The following MAPK10 variants were observed in gnomAD, a reference collection of about 807,000 sequenced individuals.
MAPK10 encodes the protein JNK3 alpha protein kinase.
Under a neutral mutation model 59.3 loss-of-function variants are expected in MAPK10, and 25 were observed. The ratio of observed to expected loss-of-function variants is 0.42; its 90% CI spans 0.31 to 0.59. The LOEUF is 0.59. Among genes scored for constraint, MAPK10 ranks in the 20% least tolerant of loss-of-function variants. The pLI is 0.15. For missense variants in MAPK10, 351 were observed against 568.9 expected (o/e 0.62, Z 3.90); for synonymous variants, 190 against 200.5 (o/e 0.95, Z 0.44).
intron 1 of MAPK10, among the ~76,000 whole-genome samples, chr4:86,413,917 G>T (rs1745523486): frequency 1.3e-5 from 2 of 152,270 alleles, no homozygotes; most frequent in Admixed American, 6.5e-5. Flanking sequence ...CCCTCCATGG[G>T]TGGCACCCAC....
chr4:86,516,620 A>G (rs1159337535), intron 1 of MAPK10, among the ~76,000 whole-genome samples: 1 of 148,992 alleles, frequency 6.7e-6, no homozygotes, highest in African/African-American at 2.5e-5. Flanking sequence ...GTATATTCCT[A>G]AGGGTTTTTT....
chr4:86,182,999 C>T (rs1050625352), intron 3 of MAPK10, among the ~76,000 whole-genome samples: 13 of 152,020 alleles, frequency 8.6e-5, no homozygotes, highest in South Asian at 2.1e-4. Flanking sequence ...TGAAAAATAA[C>T]GACACCCTAC....
chr4:86,474,407 T>C (rs1262060697), intron 1 of MAPK10, among the ~76,000 whole-genome samples: 1 of 152,230 alleles, frequency 6.6e-6, no homozygotes, highest in African/African-American at 2.4e-5. Flanking sequence ...CCTATGTTTA[T>C]ATCATAAAAT....
At chr4:86,351,598 T>C (rs1731524178) in intron 2 of MAPK10, among the ~76,000 whole-genome samples, 1 of 152,142 alleles carries the variant, frequency 6.6e-6, no homozygotes, top group Non-Finnish European at 1.5e-5. Flanking sequence ...ACTGGATTCC[T>C]GCAATAGCAC....
intron 1 of MAPK10, among the ~76,000 whole-genome samples, chr4:86,467,002 T>C (rs1385356355): frequency 6.6e-6 from 1 of 151,932 alleles, no homozygotes; most frequent in African/African-American, 2.4e-5. Context: ...GTCCCTGGAG[T>C]GAAGATGATG....
At chr4:86,306,128 A>G (rs374273700) in intron 2 of MAPK10, among the ~76,000 whole-genome samples, 53 of 152,220 alleles carry the variant, frequency 3.5e-4, no homozygotes, top group African/African-American at 1.2e-3. Flanking sequence ...ATCAGAAATT[A>G]AGCTAAAAAT....
intron 3 of MAPK10, among the ~76,000 whole-genome samples, chr4:86,168,449 T>A (rs1160316143): frequency 2.6e-5 from 4 of 152,198 alleles, no homozygotes; most frequent in Non-Finnish European, 5.9e-5. Context: ...GCACGGAGTC[T>A]CGCTGATTGC....
chr4:86,533,687 G>A (rs1363750459), intron 1 of MAPK10, among the ~76,000 whole-genome samples: 2 of 152,210 alleles, frequency 1.3e-5, no homozygotes, highest in African/African-American at 2.4e-5. Flanking sequence ...GACCACAGGT[G>A]TGTACCACTT....
At chr4:86,184,196 T>C (rs1251255744) in intron 3 of MAPK10, among the ~76,000 whole-genome samples, 1 of 152,230 alleles carries the variant, frequency 6.6e-6, no homozygotes, top group African/African-American at 2.4e-5. Flanking sequence ...TTTGGTGTTT[T>C]AGACATGAAG....
chr4:86,465,653 A>G (rs1752134613), intron 1 of MAPK10, among the ~76,000 whole-genome samples: 1 of 152,244 alleles, frequency 6.6e-6, no homozygotes. Flanking sequence ...GTAAAATAAT[A>G]ACTTGGGGTA....
At chr4:86,381,953 C>A (rs546765209) in intron 1 of MAPK10, among the ~76,000 whole-genome samples, 17 of 152,112 alleles carry the variant, frequency 1.1e-4, no homozygotes, top group African/African-American at 3.9e-4. Flanking sequence ...AGAATAAAAC[C>A]CTTGACATTG....
chr4:86,593,430 G>A (rs75855193), intron 1 of MAPK10, among the ~76,000 whole-genome samples: 7,089 of 152,232 alleles, frequency 0.047, 221 homozygotes, highest in African/African-American at 0.061. Context: ...AATTCAGCAA[G>A]ACTCTCTTGT....
intron 1 of MAPK10, among the ~76,000 whole-genome samples, chr4:86,390,510 G>C (rs985332998): frequency 2.6e-5 from 4 of 152,214 alleles, no homozygotes; most frequent in African/African-American, 9.7e-5. Flanking sequence ...GCTTCCATGA[G>C]AGCACTTAGA....
chr4:86,093,316 T>C (rs1239003959), intron 9 of MAPK10, among the ~76,000 whole-genome samples: 2 of 151,956 alleles, frequency 1.3e-5, no homozygotes, highest in Non-Finnish European at 2.9e-5. Context: ...ATATTTTCAT[T>C]TAGTGTAGAA....
At chr4:86,306,886 T>C (rs12648265) in intron 2 of MAPK10, among the ~76,000 whole-genome samples, 92,466 of 151,980 alleles carry the variant, frequency 0.61, 28,751 homozygotes, top group South Asian at 0.74. Flanking sequence ...CACATTTATA[T>C]GTAGTCTTTG....
chr4:86,377,606 T>C (rs1185675365), intron 1 of MAPK10, among the ~76,000 whole-genome samples: 1 of 152,214 alleles, frequency 6.6e-6, no homozygotes, highest in Non-Finnish European at 1.5e-5. Context: ...AAAAATTCAA[T>C]ACATTTTTGT....
At chr4:86,482,974 A>C (rs551045524) in intron 1 of MAPK10, among the ~76,000 whole-genome samples, 1 of 152,320 alleles carries the variant, frequency 6.6e-6, no homozygotes, top group African/African-American at 2.4e-5. Context: ...ATTTAGACAG[A>C]GAGAGAAAGA....
intron 1 of MAPK10, among the ~76,000 whole-genome samples, chr4:86,376,862 A>G (rs1739901868): frequency 6.6e-6 from 1 of 152,226 alleles, no homozygotes; most frequent in Admixed American, 6.5e-5. Flanking sequence ...GAAACCACTA[A>G]AGAGAAATTT....
intron 4 of MAPK10, chr4:86,127,570 T>C (rs2060274814): frequency 6.6e-6 from 1 of 151,998 alleles, no homozygotes; most frequent in South Asian, 2.1e-4. Context: ...CACTTCATCT[T>C]CTCCTAAAAT....
Sources: allele counts gnomAD v4.1 joint callset (sites outside exome capture counted in the v4.1 genomes callset), GRCh38; gene constraint gnomAD v4.1.1; transcripts MANE v1.5; gene names NCBI Gene and HGNC (gene_info 2026-07-23, HGNC 2026-07-21).